Variants in INTS1 observed in about 807,000 individuals in gnomAD.
The protein encoded by INTS1 is integrator complex subunit 1.
Under a neutral mutation model 241.6 loss-of-function variants are expected in INTS1, and 137 were observed. The ratio of observed to expected loss-of-function variants is 0.57; its 90% CI spans 0.49 to 0.65. The LOEUF (loss-of-function observed/expected upper bound fraction) is 0.65, where lower values mean the gene tolerates loss of function less well. INTS1 is among the 30% of genes least tolerant of loss of function. INTS1 has a pLI of 0.00. For missense variants in INTS1, 3,073 were observed against 3,032.2 expected, an observed-to-expected ratio of 1.01 and a Z score of -0.32; for synonymous variants, 1,692 against 1,337.8, an observed-to-expected ratio of 1.26 and a Z score of -5.78.
Position 1,489,345 on chromosome 7 carries a change from T to TCAGGCCCTGCTCCCAGCCCCG in INTS1, c.2316_2317insCGGGGCTGGGAGCAGGGCCTG (p.Thr772_Asn773insArgGlyTrpGluGlnGlyLeu), listed in dbSNP as rs58696597. ...CGCCGAGGGGACGTGCGCACTCACT[T>TCAGGCCCTGCTCCCAGCCCCG]GGTCATCACCATCTCCATGAGCATC... is the stretch of plus-strand genomic sequence containing the variant. On this transcript the variant is annotated inframe_insertion and splice_region_variant, in exon 18 of 48. Transcript: ENST00000404767. The TCAGGCCCTGCTCCCAGCCCCG allele has an allele frequency of 1.1e-5, 17 of 1,609,530 alleles. No homozygotes were observed. The highest frequency in any genetic ancestry group is 4.5e-5 in the East Asian group (2 of 44,748).
At chr7:1,488,158 C>T (rs1221492860) in intron 18 of INTS1, among the ~76,000 whole-genome samples, 2 of 152,192 alleles carry the variant, frequency 1.3e-5, no homozygotes, top group Non-Finnish European at 2.9e-5. Context: ...CCCAGAGGCG[C>T]GGTCCAGCCA....
Position 1,471,205 on chromosome 7 carries a change from A to G in INTS1, c.6275T>C (p.Met2092Thr). The change falls in exon 46 of 48, where the codon ATG (methionine) becomes ACG (threonine). Residue 2092 changes from methionine to threonine, a missense_variant. By Grantham distance (81) the Met-to-Thr change is moderately conservative (BLOSUM62 -1). Transcript: ENST00000404767. ...SFFSTNLQRL[M>T]SSAEECCRNL... ...GCGGCAACACTCCTCGGCCGAGCTCATCAGCCGCTGCAGGTTGGTCTGACC... is the reference window on the plus strand; with the variant it reads ...GCGGCAACACTCCTCGGCCGAGCTCGTCAGCCGCTGCAGGTTGGTCTGACC... 1 of 1,580,286 alleles carries G rather than the reference A, an allele frequency of 6.3e-7. No individual in the cohort carries two copies. The highest frequency in any genetic ancestry group is 8.6e-7 in the Non-Finnish European group (1 of 1,164,594).
Position 1,498,963 on chromosome 7 carries a change from G to GGC in INTS1, c.1137+11_1137+12insGC. 1 of 1,280,924 alleles carries GGC rather than the reference G, an allele frequency of 7.8e-7. No homozygotes were observed. Among genetic ancestry groups the GGC allele is most frequent in the South Asian group, 1.3e-5 (1 of 76,972 alleles). 79.3% of individuals were successfully genotyped at this position (1,280,924 alleles called of 1,614,324 possible). Reference sequence around the variant, plus strand: ...CCCCTGCCCCGCCCACCCCCCCGGGGCGCCCCCGCACCTTGGGGTTCTGCA... The same window carrying GGC: ...CCCCTGCCCCGCCCACCCCCCCGGGGGCCGCCCCCGCACCTTGGGGTTCTGCA... On this transcript the variant is annotated intron_variant, in intron 8 of 47. Transcript: ENST00000404767.
intron 7 of INTS1, 40 bp downstream of exon 7, chr7:1,499,215 C>T: frequency 1.2e-6 from 2 of 1,604,902 alleles, no homozygotes; most frequent in Non-Finnish European, 1.7e-6. Context: ...GGCGCCCGCC[C>T]CCGCCGCCCC....
At chr7:1,494,940 G>C in intron 13 of INTS1, 47 bp from the exon 14 acceptor site, 1 of 1,543,894 alleles carries the variant, frequency 6.5e-7, no homozygotes, top group Non-Finnish European at 8.7e-7. Flanking sequence ...GGTGCTCAGG[G>C]ACCAGCCCCG....
rs1006689963 is a variant in INTS1 at position 1,470,480 on chromosome 7, G to A, written c.*97C>T. The A allele has an allele frequency of 4.7e-5, 46 of 978,166 alleles. No individual in the cohort carries two copies. The highest frequency in any genetic ancestry group is 1.6e-4 in the East Asian group (6 of 36,774). The allele number at this position is 978,166 out of a possible 1,614,324, so 60.6% of individuals were successfully genotyped here. On this transcript the variant is annotated 3_prime_UTR_variant, in exon 48 of 48. Transcript: ENST00000404767. Reference sequence around the variant, plus strand: ...CAGGGCTCGGCGCCCTCACCTCCTCGGACAGACCAGCAACGCCCACGCTTC... The same window carrying A: ...CAGGGCTCGGCGCCCTCACCTCCTCAGACAGACCAGCAACGCCCACGCTTC...
rs1425914899 is a variant in INTS1 at position 1,497,831 on chromosome 7, G to A, written c.1426-517C>T. 6.6e-6 allele frequency among the ~76,000 whole-genome samples: 1 copy of A among 152,228 alleles called. No individual in the cohort carries two copies. The highest frequency in any genetic ancestry group is 2.1e-4 in the South Asian group (1 of 4,822). ...GCTGGTGGCGATGGGAGCATCTCCC[G>A]AGCCCGCTTCAAAGGAGACACGGAA... is the stretch of plus-strand genomic sequence containing the variant. On this transcript the variant is annotated intron_variant, in intron 10 of 47. Coordinates refer to ENST00000404767, the MANE Select transcript of INTS1 (RefSeq NM_001080453.3). The surrounding 1 kb of genome is among the most constrained non-coding windows in gnomAD (Gnocchi z 5.3).
intron 16 of INTS1, among the ~76,000 whole-genome samples, chr7:1,492,628 G>C (rs1388561220): frequency 2.6e-5 from 4 of 152,248 alleles, no homozygotes; most frequent in Non-Finnish European, 5.9e-5. Context: ...TAAACTCGTT[G>C]TGTAAAAAAT....
In INTS1 at chr7:1,476,237, C is replaced by G. The variant is rs1047022487; in HGVS notation, c.5370G>C (p.Trp1790Cys). The G allele has an allele frequency of 6.4e-6, 10 of 1,554,568 alleles. No homozygotes were observed. Among genetic ancestry groups the G allele is most frequent in the African/African-American group, 1.4e-5 (1 of 73,326 alleles). Residue 1790 changes from tryptophan (W) to cysteine (C), a missense_variant, in exon 38 of 48, where the codon TGG (tryptophan) becomes TGC (cysteine). Transcript: ENST00000404767. The stretch of plus-strand genomic sequence containing the variant: ...CCGGGGGGCCTGAGCACCTGTCTCC[C>G]CACTGCTGGATGCAGCCTGACAGGT... ...TEHLSGCIQQ[W>C]GDSVLGRRCR...
intron 8 of INTS1, 24 bp from the exon 9 acceptor site, chr7:1,498,876 T>A (rs751400068): frequency 5.1e-6 from 8 of 1,580,526 alleles, no homozygotes; most frequent in African/African-American, 4.0e-5. Flanking sequence ...GAGGGAGCAG[T>A]GGGCTCACGG....
At chr7:1,492,879 C>A (rs1307840669) in intron 16 of INTS1, 131 bp downstream of exon 16, 3 of 393,126 alleles carry the variant, frequency 7.6e-6, no homozygotes, top group Non-Finnish European at 1.3e-5. Context: ...CTTACCCGGG[C>A]GGGAGTGGGG....
rs763171465 is a variant in INTS1 at position 1,474,234 on chromosome 7, G to A, written c.5763C>T (p.His1921=). Residue 1921 remains histidine, a synonymous_variant, in exon 41 of 48, where the codon CAC becomes CAT. Coordinates refer to ENST00000404767, the MANE Select transcript of INTS1 (RefSeq NM_001080453.3). ...CCCCCTGGTGCTCGCTGCGGAACAC[G>A]TGCGGCTGCAGCAGCTCCAGCAGGC... ...VLGLLELLQP[H]VFRSEHQGAL... The A allele has an allele frequency of 3.1e-6, 5 of 1,602,174 alleles. No individual in the cohort carries two copies. Among genetic ancestry groups the A allele is most frequent in the Admixed American group, 1.7e-5 (1 of 59,746 alleles).
chr7:1,478,227 G>A (rs1303795923), intron 33 of INTS1, 139 bp downstream of exon 33: 1 of 982,612 alleles, frequency 1.0e-6, no homozygotes, highest in Non-Finnish European at 1.5e-6. Context: ...GAGCCATCTG[G>A]GAGGGGACCT....
chr7:1,479,391 A>C (rs1781884381), intron 31 of INTS1, 39 bp downstream of exon 31: 1 of 1,545,016 alleles, frequency 6.5e-7, no homozygotes, highest in African/African-American at 1.4e-5. Flanking sequence ...CAGAGCCCTC[A>C]CTGCCCTCCT....
At chr7:1,492,336 G>A (rs971241164) in intron 16 of INTS1, among the ~76,000 whole-genome samples, 2 of 152,140 alleles carry the variant, frequency 1.3e-5, no homozygotes, top group Non-Finnish European at 2.9e-5. Context: ...GAAGGAGGCT[G>A]GTCACAAGAT....
At position 1,476,692 on chromosome 7, in the gene INTS1, T is replaced by A. The variant is rs145881680; in HGVS notation, c.5064-35A>T. ...GGCAAAGGTTCCAGAGCACGAGGTG[T>A]CTCGTCTCAGCATGGGAGATACCAG... On this transcript the variant is annotated intron_variant, in intron 36 of 47. Transcript: ENST00000404767. 2.1e-4 allele frequency: 342 copies of A among 1,612,284 alleles called. 3 individuals are homozygous for A. The highest frequency in any genetic ancestry group is 2.0e-3 in the South Asian group (179 of 91,076).
intron 16 of INTS1, among the ~76,000 whole-genome samples, chr7:1,492,155 C>T (rs1182042729): frequency 4.6e-5 from 7 of 152,172 alleles, no homozygotes; most frequent in African/African-American, 1.4e-4. Context: ...ACCGAAGACA[C>T]GGCCACACAG....
rs191235620 is a variant in INTS1 at position 1,496,116 on chromosome 7, A to G, written c.1711+40T>C. The G allele has an allele frequency of 2.5e-3, 3,878 of 1,525,604 alleles. 94 individuals carry two copies. In the African/African-American group the frequency reaches 0.046, roughly 18 times the overall value. 94.5% of individuals were successfully genotyped at this position (1,525,604 alleles called of 1,614,324 possible). On this transcript the variant is annotated intron_variant, in intron 12 of 47. Transcript: ENST00000404767. ...CGCCAGCCACCAGCCTGGACCCGAGACCCCCACCAAGCAGGGCCAGGCCAC... is the reference window on the plus strand; with the variant it reads ...CGCCAGCCACCAGCCTGGACCCGAGGCCCCCACCAAGCAGGGCCAGGCCAC...
chr7:1,482,718 G>C lies in INTS1; in HGVS notation c.3542-11C>G. ...ACTCGCTGTCGTCGGCTTCAGGAAG[G>C]ACAACGGGTGAGCAGCCTTCAGACC... On this transcript the variant is annotated splice_polypyrimidine_tract_variant and intron_variant, in intron 26 of 47. Coordinates refer to ENST00000404767, the MANE Select transcript of INTS1 (RefSeq NM_001080453.3). The C allele has an allele frequency of 6.2e-7, 1 of 1,611,918 alleles. No homozygotes were observed. Among genetic ancestry groups the C allele is most frequent in the Non-Finnish European group, 8.5e-7 (1 of 1,179,404 alleles).
Sources: allele counts gnomAD v4.1 joint callset (sites outside exome capture counted in the v4.1 genomes callset), GRCh38; gene constraint gnomAD v4.1.1; non-coding constraint Gnocchi (gnomAD v3.1); transcripts MANE v1.5; gene names NCBI Gene and HGNC (gene_info 2026-07-23, HGNC 2026-07-21).